The following KATNA1 variants were observed in gnomAD, a reference collection of about 807,000 sequenced individuals.
KATNA1 encodes the protein katanin p60 ATPase-containing subunit A1.
In KATNA1, 42 loss-of-function variants were observed where a neutral mutation model predicts 62.6. The observed-to-expected ratio is 0.67, with a 90% confidence interval of 0.52 to 0.87. The LOEUF is 0.87. Among genes scored for constraint, KATNA1 ranks in the 40% least tolerant of loss-of-function variants. The probability of loss-of-function intolerance (pLI) is 0.00; values close to 1 mark genes in which losing one functional copy is unlikely to be tolerated. For missense variants in KATNA1, 498 were observed against 612.5 expected (o/e 0.81, Z 1.97); for synonymous variants, 186 against 201.9 (o/e 0.92, Z 0.67).
intron 4 of KATNA1, among the ~76,000 whole-genome samples, chr6:149,605,097 C>T (rs1419482642): frequency 6.6e-6 from 1 of 151,308 alleles, no homozygotes; most frequent in African/African-American, 2.4e-5. Context: ...AGTGTGAACC[C>T]GGGAGGCAGA....
chr6:149,636,790 G>A lies in KATNA1; in HGVS notation c.162+1596C>T, dbSNP rs576789223. Among the ~76,000 whole-genome samples, 9 of 151,828 alleles carry A rather than the reference G, an allele frequency of 5.9e-5. No homozygotes were observed. The South Asian group carries it at 1.9e-3, about 32-fold the overall frequency. ...CAAGTAGCTGACATTACAGATGCCC[G>A]CCACTATACCCAGCTAATTTTTTTG... is the stretch of plus-strand genomic sequence containing the variant. On this transcript the variant is annotated intron_variant, in intron 2 of 10. Coordinates refer to ENST00000367411, the MANE Select transcript of KATNA1 (RefSeq NM_007044.4).
At chr6:149,598,386 G>C (rs1286533058) in intron 7 of KATNA1, 36 bp from the exon 8 acceptor site, 50 of 1,600,482 alleles carry the variant, frequency 3.1e-5, no homozygotes, top group Non-Finnish European at 4.2e-5. Flanking sequence ...AAGCTATTAA[G>C]CTATTATTTC....
intron 3 of KATNA1, among the ~76,000 whole-genome samples, chr6:149,624,289 TAATAA>T (rs1779521305): frequency 6.6e-6 from 1 of 152,230 alleles, no homozygotes; most frequent in Admixed American, 6.5e-5. Context: ...GTGTTTTAAT[TAATAA>T]AATTTAATCA....
At chr6:149,636,986 C>G (rs1582807005) in intron 2 of KATNA1, among the ~76,000 whole-genome samples, 1 of 151,820 alleles carries the variant, frequency 6.6e-6, no homozygotes, top group South Asian at 2.1e-4. Context: ...CATAGTTGAG[C>G]CTTGTTAGAA....
chr6:149,641,925 CAG>C (rs1249238540), intron 1 of KATNA1, among the ~76,000 whole-genome samples: 1 of 152,130 alleles, frequency 6.6e-6, no homozygotes, highest in South Asian at 2.1e-4. Flanking sequence ...TTTCTGGAGA[CAG>C]AGTCTCACTC....
intron 4 of KATNA1, among the ~76,000 whole-genome samples, chr6:149,613,206 A>AATAAAAT (rs1779030761): frequency 7.0e-6 from 1 of 142,760 alleles, no homozygotes; most frequent in African/African-American, 2.7e-5. Context: ...AAAAAAAAAA[A>AATAAAAT]AAAAAAAAAA....
intron 1 of KATNA1, among the ~76,000 whole-genome samples, chr6:149,640,722 G>A (rs1252806721): frequency 6.6e-6 from 1 of 151,768 alleles, no homozygotes; most frequent in East Asian, 1.9e-4. Context: ...CTAAATTTTT[G>A]TATTTTAGTA....
intron 1 of KATNA1, among the ~76,000 whole-genome samples, chr6:149,642,788 TAG>T (rs1343330740): frequency 6.6e-6 from 1 of 152,272 alleles, no homozygotes; most frequent in Non-Finnish European, 1.5e-5. Flanking sequence ...TTAAATATAT[TAG>T]AGAGTCTATG....
chr6:149,599,676 C>A (rs1283157475), intron 7 of KATNA1, among the ~76,000 whole-genome samples: 7 of 152,080 alleles, frequency 4.6e-5, no homozygotes, highest in Non-Finnish European at 1.0e-4. Context: ...CGCCACCACA[C>A]CTGGCTAATT....
rs1169018343 is a variant in KATNA1, at chr6:149,609,802, C to CAAAAAAAAAAAAAA, written c.502-5034_502-5021dup. ...TGGGCGACAGAGCTAGACTCCATCT[C>CAAAAAAAAAAAAAA]AAAAAAAAAAAAAATAGGCCAGGTG... On this transcript the variant is annotated intron_variant, in intron 4 of 10. Coordinates refer to ENST00000367411, the MANE Select transcript of KATNA1 (RefSeq NM_007044.4). 1.0e-3 allele frequency among the ~76,000 whole-genome samples: 66 copies of CAAAAAAAAAAAAAA among 64,490 alleles called. 3 individuals carry two copies. Among genetic ancestry groups the CAAAAAAAAAAAAAA allele is most frequent in the African/African-American group, 3.7e-3 (54 of 14,442 alleles). The allele number at this position is 64,490 out of a possible 152,430, so 42.3% of individuals were successfully genotyped here.
chr6:149,640,204 T>G (rs372300789), intron 1 of KATNA1, among the ~76,000 whole-genome samples: 24 of 152,174 alleles, frequency 1.6e-4, no homozygotes, highest in African/African-American at 5.8e-4. Context: ...GTGTCTGCCA[T>G]GAAACTTTCT....
At chr6:149,632,387 G>GA (rs1326650631) in intron 3 of KATNA1, among the ~76,000 whole-genome samples, 2 of 137,844 alleles carry the variant, frequency 1.5e-5, no homozygotes, top group African/African-American at 2.7e-5. Flanking sequence ...AAAAAAAAAA[G>GA]AAAAAAAAGA....
intron 10 of KATNA1, 56 bp downstream of exon 10, chr6:149,597,007 A>G: frequency 6.3e-7 from 1 of 1,586,174 alleles, no homozygotes; most frequent in Non-Finnish European, 8.6e-7. Context: ...AAACCAAAAA[A>G]CTTCATACTA....
intron 5 of KATNA1, among the ~76,000 whole-genome samples, chr6:149,603,581 C>T (rs114260781): frequency 2.1e-3 from 315 of 152,216 alleles, no homozygotes; most frequent in African/African-American, 7.2e-3. Flanking sequence ...CAGTTATTGG[C>T]GGTTGACAGT....
chr6:149,632,679 G>T, intron 3 of KATNA1, 80 bp downstream of exon 3: 1 of 1,210,128 alleles, frequency 8.3e-7, no homozygotes, highest in Non-Finnish European at 1.1e-6. Context: ...CTGTCTCTCA[G>T]CCACCCCATC....
At chr6:149,626,844 C>T (rs983145276) in intron 3 of KATNA1, among the ~76,000 whole-genome samples, 1 of 150,958 alleles carries the variant, frequency 6.6e-6, no homozygotes, top group Non-Finnish European at 1.5e-5. Flanking sequence ...ATTAGCCTGG[C>T]CTGGTGGCAG....
At chr6:149,596,926 C>T (rs1325553710) in intron 10 of KATNA1, 137 bp downstream of exon 10, 1 of 741,640 alleles carries the variant, frequency 1.3e-6, no homozygotes, top group Non-Finnish European at 2.2e-6. Context: ...GAGTTTCAGG[C>T]TGCAGTAAGC....
intron 4 of KATNA1, among the ~76,000 whole-genome samples, chr6:149,616,872 C>T (rs1354308100): frequency 6.6e-6 from 1 of 152,152 alleles, no homozygotes; most frequent in Non-Finnish European, 1.5e-5. Flanking sequence ...TTCAAAGCAG[C>T]ATTATTCACA....
At chr6:149,628,919 G>C (rs943050428) in intron 3 of KATNA1, among the ~76,000 whole-genome samples, 2 of 151,824 alleles carry the variant, frequency 1.3e-5, no homozygotes, top group African/African-American at 4.8e-5. Flanking sequence ...GCCCAGTTAA[G>C]AGAGCAAGTA....
Sources: allele counts gnomAD v4.1 joint callset (sites outside exome capture counted in the v4.1 genomes callset), GRCh38; gene constraint gnomAD v4.1.1; transcripts MANE v1.5; gene names NCBI Gene and HGNC (gene_info 2026-07-23, HGNC 2026-07-21).